DRC5: variants seen among roughly 807,000 people sequenced by gnomAD.
DRC5 encodes T-complex-associated testis-expressed protein 1.
the DRC5 span, chr6:44,282,450 A>G: frequency 1.7e-5 from 28 of 1,613,496 alleles, no homozygotes; most frequent in East Asian, 1.6e-4. Context: ...ACGGTCTCCA[A>G]TGAGGTTTTG....
the DRC5 span, among the ~76,000 whole-genome samples, chr6:44,280,776 C>T: frequency 6.6e-6 from 1 of 152,202 alleles, no homozygotes; most frequent in African/African-American, 2.4e-5. Context: ...CGGTTTCTGC[C>T]TCTGGGCATG....
chr6:44,282,707 T>A, the DRC5 span: 1 of 629,462 alleles, frequency 1.6e-6, no homozygotes, highest in South Asian at 2.0e-5. Flanking sequence ...CAGAGTAGTG[T>A]AGAATTGGTG....
At chr6:44,289,678 C>A in the DRC5 span, among the ~76,000 whole-genome samples, 8 of 152,232 alleles carry the variant, frequency 5.3e-5, no homozygotes, top group Non-Finnish European at 1.0e-4. Flanking sequence ...GCATTCCAGA[C>A]AGCAGTGGGC....
chr6:44,285,912 A>G, the DRC5 span: 1 of 1,486,690 alleles, frequency 6.7e-7, no homozygotes, highest in African/African-American at 1.4e-5. Context: ...GGGGAGAGGG[A>G]ATCTGAGAGA....
chr6:44,288,626 A>G, the DRC5 span, among the ~76,000 whole-genome samples: 18 of 152,250 alleles, frequency 1.2e-4, no homozygotes, highest in African/African-American at 4.3e-4. Context: ...TCTGGCCAAC[A>G]GAAATATAAT....
At chr6:44,291,561 C>T in the DRC5 span, among the ~76,000 whole-genome samples, 9 of 152,300 alleles carry the variant, frequency 5.9e-5, no homozygotes, top group South Asian at 1.7e-3. Context: ...TCCTACTTTC[C>T]GACCATTCTT....
chr6:44,285,177 TG>T, the DRC5 span, among the ~76,000 whole-genome samples: 2 of 152,230 alleles, frequency 1.3e-5, no homozygotes, highest in African/African-American at 2.4e-5. Context: ...CTAATCTCTA[TG>T]TAAGTGACAT....
At chr6:44,296,165 TCTTA>T in the DRC5 span, among the ~76,000 whole-genome samples, 1 of 152,238 alleles carries the variant, frequency 6.6e-6, no homozygotes, top group Non-Finnish European at 1.5e-5. Context: ...TGTCTAATGC[TCTTA>T]CTTCCATGAG....
chr6:44,280,452 C>A, the DRC5 span: 2 of 1,273,820 alleles, frequency 1.6e-6, no homozygotes, highest in Admixed American at 4.0e-5. Flanking sequence ...GACACACATA[C>A]TACACATTTT....
At chr6:44,286,130 T>A in the DRC5 span, 1 of 1,614,028 alleles carries the variant, frequency 6.2e-7, no homozygotes, top group African/African-American at 1.3e-5. Flanking sequence ...CAGTTGGTAG[T>A]GGTCAACGGT....
At chr6:44,279,748 GGTGTGTGTGTGTGTGTGTGT>G in the DRC5 span, 135 of 135,380 alleles carry the variant, frequency 1.0e-3, no homozygotes, top group Admixed American at 3.2e-3. Flanking sequence ...GTAGCCAGAG[GGTGTGTGTGTGTGTGTGTGT>G]GTGTGTGTGT....
At chr6:44,287,751 G>A in the DRC5 span, 1 of 1,614,056 alleles carries the variant, frequency 6.2e-7, no homozygotes, top group African/African-American at 1.3e-5. Context: ...GTCCTCCAGT[G>A]GAGGAATTGT....
At chr6:44,286,402 C>T in the DRC5 span, 2 of 1,614,154 alleles carry the variant, frequency 1.2e-6, no homozygotes, top group Non-Finnish European at 1.7e-6. Context: ...GCCAGCGATG[C>T]ATGCAGCAGC....
chr6:44,286,542 C>A, the DRC5 span: 4 of 1,604,140 alleles, frequency 2.5e-6, no homozygotes, highest in South Asian at 1.1e-5. Flanking sequence ...TCTTTGGGAA[C>A]AGAGGAAGGA....
At chr6:44,286,276 G>T in the DRC5 span, 1 of 1,612,920 alleles carries the variant, frequency 6.2e-7, no homozygotes. Flanking sequence ...GCAGCAGGTC[G>T]AGGATCACCG....
chr6:44,283,524 C>T, the DRC5 span, among the ~76,000 whole-genome samples: 1 of 151,872 alleles, frequency 6.6e-6, no homozygotes, highest in Non-Finnish European at 1.5e-5. Flanking sequence ...AGTGTCTGGC[C>T]TCTCTCTCTC....
the DRC5 span, among the ~76,000 whole-genome samples, chr6:44,284,731 C>T: frequency 6.6e-6 from 1 of 152,162 alleles, no homozygotes. Flanking sequence ...ATGCCAGACA[C>T]ATGTCTGCCT....
At chr6:44,289,908 T>C in the DRC5 span, among the ~76,000 whole-genome samples, 10 of 152,140 alleles carry the variant, frequency 6.6e-5, no homozygotes, top group South Asian at 1.2e-3. Context: ...GTGCACTGGG[T>C]AGTGGCCGGT....
At chr6:44,283,980 A>T in the DRC5 span, among the ~76,000 whole-genome samples, 1 of 152,120 alleles carries the variant, frequency 6.6e-6, no homozygotes, top group South Asian at 2.1e-4. Context: ...TTCTACATTC[A>T]TCCCCTTTCT....
Sources: allele counts gnomAD v4.1 joint callset (sites outside exome capture counted in the v4.1 genomes callset), GRCh38; gene constraint gnomAD v4.1.1; transcripts MANE v1.5; gene names NCBI Gene and HGNC (gene_info 2026-07-23, HGNC 2026-07-21).